The following SRGAP3 variants were observed in gnomAD, a reference collection of about 807,000 sequenced individuals.
SRGAP3 encodes SLIT-ROBO Rho GTPase activating protein 3.
In SRGAP3, 39 loss-of-function variants were observed where a neutral mutation model predicts 121.1. The observed-to-expected ratio is 0.32, with a 90% CI of 0.25 to 0.42. The LOEUF (loss-of-function observed/expected upper bound fraction) is 0.42. Among genes scored for constraint, SRGAP3 ranks in the 10% least tolerant of loss-of-function variants. SRGAP3 has a pLI of 1.00. For synonymous variants in SRGAP3, 601 were observed against 570.0 expected, an observed-to-expected ratio of 1.05 and a Z score of -0.77; for missense variants, 1,213 against 1,470.6, an observed-to-expected ratio of 0.82 and a Z score of 2.86.
At chr3:9,058,207 C>G in intron 7 of SRGAP3, 44 bp downstream of exon 7, 19 of 1,599,876 alleles carry the variant, frequency 1.2e-5, no homozygotes, top group Non-Finnish European at 1.5e-5. Flanking sequence ...CATGGGGGAA[C>G]AGAGGGAAGC....
intron 3 of SRGAP3, among the ~76,000 whole-genome samples, chr3:9,304,963 C>G (rs1291917484): frequency 6.6e-6 from 1 of 152,180 alleles, no homozygotes; most frequent in African/African-American, 2.4e-5. Context: ...TCAACAATAC[C>G]TCATTTAATC....
chr3:9,214,182 C>T (rs191532559), intron 1 of SRGAP3, among the ~76,000 whole-genome samples: 114 of 144,200 alleles, frequency 7.9e-4, no homozygotes, highest in Middle Eastern at 3.6e-3. Flanking sequence ...ATTTCCCACA[C>T]GATCACTGGT....
intron 1 of SRGAP3, among the ~76,000 whole-genome samples, chr3:9,174,497 C>T (rs990834683): frequency 3.3e-5 from 5 of 152,122 alleles, no homozygotes; most frequent in Non-Finnish European, 7.4e-5. Context: ...CAGGAGACTG[C>T]GGGCAGAATG....
At chr3:9,255,556 C>T (rs969876218) in intron 3 of SRGAP3, among the ~76,000 whole-genome samples, 1 of 152,162 alleles carries the variant, frequency 6.6e-6, no homozygotes, top group East Asian at 1.9e-4. Context: ...CTGCTGGGGC[C>T]CCTGGCTATC....
intron 3 of SRGAP3, among the ~76,000 whole-genome samples, chr3:9,270,296 A>G (rs1954447797): frequency 6.6e-6 from 1 of 152,224 alleles, no homozygotes; most frequent in Admixed American, 6.5e-5. Flanking sequence ...AAAAAAGTCA[A>G]TCTTTACATA....
chr3:9,092,376 T>C (rs555130482), intron 3 of SRGAP3, among the ~76,000 whole-genome samples: 19 of 152,220 alleles, frequency 1.2e-4, no homozygotes, highest in Non-Finnish European at 2.8e-4. Context: ...TTATAATACA[T>C]ACCATTGTGG....
At chr3:9,059,769 A>T (rs2125189250) in intron 6 of SRGAP3, 1 of 264,312 alleles carries the variant, frequency 3.8e-6, no homozygotes, top group Non-Finnish European at 7.5e-6. Flanking sequence ...TGATCTGTAT[A>T]ATTAAGTCTG....
chr3:9,337,615 A>C (rs997954921), intron 1 of SRGAP3: 1 of 152,264 alleles, frequency 6.6e-6, no homozygotes, highest in African/African-American at 2.4e-5. Flanking sequence ...CCATGGGATA[A>C]TGCAACAGGA....
chr3:9,000,214 G>A (rs1386501516), intron 18 of SRGAP3, among the ~76,000 whole-genome samples: 1 of 152,206 alleles, frequency 6.6e-6, no homozygotes, highest in Non-Finnish European at 1.5e-5. Context: ...TGAGTGGAGT[G>A]GAGAGACCAG....
At chr3:8,995,387 G>A (rs1034079773) in intron 18 of SRGAP3, among the ~76,000 whole-genome samples, 1 of 152,156 alleles carries the variant, frequency 6.6e-6, no homozygotes, top group African/African-American at 2.4e-5. Context: ...GAGGCAGGAA[G>A]ATCACTTGAG....
intron 1 of SRGAP3, among the ~76,000 whole-genome samples, chr3:9,160,280 C>T (rs1347222228): frequency 1.3e-5 from 2 of 152,160 alleles, no homozygotes; most frequent in African/African-American, 4.8e-5. Context: ...AAGTGTGGGA[C>T]ATATTTAGTG....
chr3:9,118,110 C>T (rs918367106), intron 2 of SRGAP3, among the ~76,000 whole-genome samples: 3 of 151,864 alleles, frequency 2.0e-5, no homozygotes, highest in Admixed American at 6.6e-5. Context: ...CCAGCTTGGG[C>T]GACAGGGTGA....
intron 1 of SRGAP3, among the ~76,000 whole-genome samples, chr3:9,204,599 C>T (rs1441575416): frequency 6.6e-6 from 1 of 152,036 alleles, no homozygotes; most frequent in Non-Finnish European, 1.5e-5. Flanking sequence ...TCCTCTGCCC[C>T]AGAGGGGGAA....
intron 14 of SRGAP3, among the ~76,000 whole-genome samples, chr3:9,019,506 G>A (rs906204527): frequency 5.9e-5 from 9 of 152,214 alleles, no homozygotes; most frequent in Non-Finnish European, 7.4e-5. Context: ...AGGCAGCAGC[G>A]AGCCTTCTGC....
chr3:9,291,346 G>A (rs1954865451), intron 3 of SRGAP3, among the ~76,000 whole-genome samples: 1 of 152,150 alleles, frequency 6.6e-6, no homozygotes, highest in South Asian at 2.1e-4. Context: ...CTGTATTTAA[G>A]GAGATAAGGT....
intron 1 of SRGAP3, among the ~76,000 whole-genome samples, chr3:9,331,049 T>C (rs1305561709): frequency 6.6e-6 from 1 of 152,226 alleles, no homozygotes; most frequent in Non-Finnish European, 1.5e-5. Context: ...CACCAAAAGA[T>C]TGACAGTAAC....
At chr3:9,047,112 G>T (rs928712435) in intron 10 of SRGAP3, among the ~76,000 whole-genome samples, 5 of 152,078 alleles carry the variant, frequency 3.3e-5, no homozygotes, top group Non-Finnish European at 7.4e-5. Flanking sequence ...GATTACAGGC[G>T]TGAGCCACCG....
Position 9,047,435 on chromosome 3 carries a change from T to A in SRGAP3, c.1364A>T (p.Lys455Met). ...GAGTAAATCGTGCTTGGCCTGCAGC[T>A]TGGTGATGAGGTTACTGCCATTCAC... ...EYVNGSNLIT[K>M]LQAKHDLLKQ... is the part of the protein sequence containing the mutation. Residue 455 changes from lysine (K) to methionine (M), a missense_variant, in exon 10 of 22, where the codon AAG becomes ATG. Around this residue, in one of 2 missense-constraint regions of SRGAP3, gnomAD observed 793 missense variants for 1,032.9 expected, o/e 0.77. Coordinates refer to ENST00000383836, the MANE Select transcript of SRGAP3 (RefSeq NM_014850.4). The A allele has an allele frequency of 1.2e-6, 2 of 1,614,176 alleles. No homozygotes were observed. The highest frequency in any genetic ancestry group is 1.7e-6 in the Non-Finnish European group (2 of 1,180,032).
At chr3:9,116,389 A>G (rs1575097398) in intron 2 of SRGAP3, among the ~76,000 whole-genome samples, 2 of 152,276 alleles carry the variant, frequency 1.3e-5, no homozygotes, top group South Asian at 2.1e-4. Context: ...TAAAGCATCA[A>G]TTATATACCA....
Sources: allele counts gnomAD v4.1 joint callset (sites outside exome capture counted in the v4.1 genomes callset), GRCh38; gene constraint gnomAD v4.1.1; regional missense constraint gnomAD v4.1.1; transcripts MANE v1.5; gene names NCBI Gene and HGNC (gene_info 2026-07-23, HGNC 2026-07-21).